FBXL17: variants seen among roughly 807,000 people sequenced by gnomAD.
The protein encoded by FBXL17 is F-box/LRR-repeat protein 17.
In FBXL17, 22 loss-of-function variants were observed where a neutral mutation model predicts 66.2. The observed-to-expected ratio is 0.33, with a 90% CI of 0.24 to 0.47. The LOEUF (loss-of-function observed/expected upper bound fraction) is 0.47. FBXL17 is among the 20% of genes least tolerant of loss of function. FBXL17 has a pLI of 1.00. For missense variants in FBXL17, 878 were observed against 948.2 expected (o/e 0.93, Z 0.97); for synonymous variants, 474 against 400.5 (o/e 1.18, Z -2.19).
intron 7 of FBXL17, among the ~76,000 whole-genome samples, chr5:107,937,127 A>C (rs1198673057): frequency 6.6e-6 from 1 of 152,120 alleles, no homozygotes; most frequent in Non-Finnish European, 1.5e-5. Context: ...AATAAGTCAT[A>C]TTACTAAACA....
intron 7 of FBXL17, among the ~76,000 whole-genome samples, chr5:107,995,501 T>C (rs1237210465): frequency 6.6e-6 from 1 of 152,102 alleles, no homozygotes; most frequent in Non-Finnish European, 1.5e-5. Context: ...TAGGACTTAT[T>C]TGAGAGAGGA....
chr5:107,994,730 T>C (rs1209588874), intron 7 of FBXL17, among the ~76,000 whole-genome samples: 1 of 151,946 alleles, frequency 6.6e-6, no homozygotes, highest in South Asian at 2.1e-4. Flanking sequence ...CCCAGCTACT[T>C]GGGAGGCTGA....
At chr5:107,997,261 A>G (rs1753513109) in intron 7 of FBXL17, among the ~76,000 whole-genome samples, 3 of 152,226 alleles carry the variant, frequency 2.0e-5, no homozygotes, top group South Asian at 2.1e-4. Flanking sequence ...CTAATAATAC[A>G]GATATTGAAG....
rs1442600618 is a variant in FBXL17, at chr5:108,162,903, C to A, written c.1745+23214G>T. ...TTTCTGAAATCCTAAGTAGCCATCC[C>A]TAGGTCTTATTAACCCCTCAGAGTA... On this transcript the variant is annotated intron_variant, in intron 6 of 8. Coordinates refer to ENST00000542267, the MANE Select transcript of FBXL17 (RefSeq NM_001163315.3). Among the ~76,000 whole-genome samples, 5 of 152,288 alleles carry A rather than the reference C, an allele frequency of 3.3e-5. No individual in the cohort carries two copies. In the East Asian group the frequency reaches 9.7e-4, roughly 29 times the overall value.
chr5:108,194,714 T>C (rs79919962), intron 5 of FBXL17, among the ~76,000 whole-genome samples: 1,796 of 152,310 alleles, frequency 0.012, 31 homozygotes, highest in African/African-American at 0.04. Context: ...TCTTGATTCA[T>C]TCATTCACAT....
At chr5:108,195,120 A>G (rs1753628200) in intron 5 of FBXL17, among the ~76,000 whole-genome samples, 1 of 152,186 alleles carries the variant, frequency 6.6e-6, no homozygotes, top group Non-Finnish European at 1.5e-5. Context: ...CAAAAATCTC[A>G]GTCCATAGAA....
chr5:108,018,000 A>C (rs559527351), intron 7 of FBXL17, among the ~76,000 whole-genome samples: 1 of 152,280 alleles, frequency 6.6e-6, no homozygotes. Flanking sequence ...CAAAAATTAC[A>C]AATGATATGC....
intron 6 of FBXL17, among the ~76,000 whole-genome samples, chr5:108,062,821 TA>T (rs768240626): frequency 6.6e-6 from 1 of 152,042 alleles, no homozygotes; most frequent in Non-Finnish European, 1.5e-5. Flanking sequence ...TGCAAAAACA[TA>T]AACAAGATAA....
At chr5:108,258,396 A>G (rs1426016145) in intron 4 of FBXL17, among the ~76,000 whole-genome samples, 1 of 152,218 alleles carries the variant, frequency 6.6e-6, no homozygotes, top group Non-Finnish European at 1.5e-5. Context: ...TAGCAGACGA[A>G]TATGAAACAT....
At chr5:108,318,799 A>G (rs1447209159) in intron 4 of FBXL17, among the ~76,000 whole-genome samples, 1 of 151,982 alleles carries the variant, frequency 6.6e-6, no homozygotes, top group African/African-American at 2.4e-5. Flanking sequence ...TAAAAATTAT[A>G]AGTCAAACAA....
intron 4 of FBXL17, among the ~76,000 whole-genome samples, chr5:108,340,411 C>T (rs1247476336): frequency 1.3e-5 from 2 of 149,794 alleles, no homozygotes; most frequent in East Asian, 3.9e-4. Flanking sequence ...AAAAAAAACT[C>T]GTTTTAAATT....
At chr5:107,871,595 T>C (rs1452877528) in intron 8 of FBXL17, among the ~76,000 whole-genome samples, 1 of 152,202 alleles carries the variant, frequency 6.6e-6, no homozygotes, top group African/African-American at 2.4e-5. Flanking sequence ...CACAAACCAC[T>C]GGCCATGGAC....
At chr5:108,018,099 C>T (rs997250922) in intron 7 of FBXL17, among the ~76,000 whole-genome samples, 3 of 151,970 alleles carry the variant, frequency 2.0e-5, no homozygotes, top group Admixed American at 6.6e-5. Flanking sequence ...TACATACCCA[C>T]CACCATAGAA....
At chr5:108,227,973 CT>C (rs1463240995) in intron 4 of FBXL17, among the ~76,000 whole-genome samples, 1 of 152,106 alleles carries the variant, frequency 6.6e-6, no homozygotes, top group Non-Finnish European at 1.5e-5. Context: ...TAAGTTTTTC[CT>C]ATATCCATCT....
intron 4 of FBXL17, among the ~76,000 whole-genome samples, chr5:108,302,485 T>C (rs1758636552): frequency 6.6e-6 from 1 of 151,842 alleles, no homozygotes; most frequent in South Asian, 2.1e-4. Flanking sequence ...TATCATTGCC[T>C]AGGGTTGAGA....
intron 4 of FBXL17, among the ~76,000 whole-genome samples, chr5:108,293,454 TTCCTC>T (rs1309782775): frequency 2.0e-5 from 3 of 152,140 alleles, no homozygotes; most frequent in African/African-American, 7.2e-5. Flanking sequence ...ATACTTCTGT[TTCCTC>T]TATAATTTCC....
chr5:108,090,475 A>AT (rs1749146764), intron 6 of FBXL17, among the ~76,000 whole-genome samples: 1 of 152,032 alleles, frequency 6.6e-6, no homozygotes, highest in Non-Finnish European at 1.5e-5. Context: ...AGGTTGGCAA[A>AT]TTTTTTCTGT....
At chr5:108,042,924 T>C (rs1747107656) in intron 6 of FBXL17, among the ~76,000 whole-genome samples, 1 of 152,198 alleles carries the variant, frequency 6.6e-6, no homozygotes, top group African/African-American at 2.4e-5. Flanking sequence ...TTTTTTACCA[T>C]TCTGATTGTA....
At chr5:108,212,610 C>G (rs1754426513) in intron 5 of FBXL17, among the ~76,000 whole-genome samples, 2 of 152,192 alleles carry the variant, frequency 1.3e-5, no homozygotes, top group South Asian at 2.1e-4. Flanking sequence ...TGGTCCACCC[C>G]TGACCCTGTT....
Sources: allele counts gnomAD v4.1 joint callset (sites outside exome capture counted in the v4.1 genomes callset), GRCh38; gene constraint gnomAD v4.1.1; transcripts MANE v1.5; gene names NCBI Gene and HGNC (gene_info 2026-07-23, HGNC 2026-07-21).